Variants in PGGHG observed in about 807,000 individuals in gnomAD.
PGGHG encodes the protein ATH1, acid trehalase-like 1.
A neutral mutation model predicts 74.5 loss-of-function variants in PGGHG; 67 were observed. The observed-to-expected ratio is 0.90, with a 90% CI of 0.74 to 1.10. PGGHG has a LOEUF of 1.10. Ranked by LOEUF, PGGHG falls within the 50% of genes least tolerant of loss-of-function variation. PGGHG has a pLI of 0.00. For synonymous variants in PGGHG, 496 were observed against 419.9 expected, an observed-to-expected ratio of 1.18 and a Z score of -2.21; for missense variants, 1,034 against 981.5, an observed-to-expected ratio of 1.05 and a Z score of -0.72.
rs1428325715 is a variant in PGGHG at position 292,548 on chromosome 11, A to G, written c.1029A>G (p.Gly343=). Residue 343 remains glycine (G), a splice_region_variant and synonymous_variant, in exon 6 of 14, where the codon GGA becomes GGG. Coordinates refer to ENST00000409548, the MANE Select transcript of PGGHG (RefSeq NM_025092.5). Reference sequence around the variant, plus strand: ...TCTGCCCCCTCCCAACCCCTCAGGGAGCCAAGTTTGCCTGGGAGAGTGCAG... The same window carrying G: ...TCTGCCCCCTCCCAACCCCTCAGGGGGCCAAGTTTGCCTGGGAGAGTGCAG... ...LENAQNLGYQ[G]AKFAWESADS... 3 of 1,613,128 alleles carry G rather than the reference A, an allele frequency of 1.9e-6. No homozygotes were observed. The highest frequency in any genetic ancestry group is 2.5e-6 in the Non-Finnish European group (3 of 1,179,796).
Position 290,678 on chromosome 11 carries a change from G to A in PGGHG, c.471G>A (p.Arg157=). Residue 157 remains arginine (R), a splice_region_variant and synonymous_variant, in exon 4 of 14, where the codon CGG becomes CGA. Coordinates refer to ENST00000409548, the MANE Select transcript of PGGHG (RefSeq NM_025092.5). ...LHQGPDFQGA[R]YLYGHTLTPE... ...CTGAGGCATGGCCACGCTCTCACAG[G>A]TACCTGTATGGCCACACCCTCACCC... is the stretch of plus-strand genomic sequence containing the variant. 6 of 1,607,952 alleles carry A rather than the reference G, an allele frequency of 3.7e-6. No homozygotes were observed. Among genetic ancestry groups the A allele is most frequent in the Non-Finnish European group, 5.1e-6 (6 of 1,176,532 alleles).
chr11:290,319 C>T (rs1467726959), intron 2 of PGGHG, 71 bp from the exon 3 acceptor site: 5 of 1,455,472 alleles, frequency 3.4e-6, no homozygotes, highest in African/African-American at 1.4e-5. Flanking sequence ...AGGCAGCGGT[C>T]GGGTGGTCCA....
At position 289,970 on chromosome 11, in the gene PGGHG, G is replaced by T; in HGVS notation, c.154G>T (p.Asp52Tyr). Residue 52 changes from aspartate (D) to tyrosine (Y), a missense_variant, in exon 2 of 14, where the codon GAC becomes TAC. Coordinates refer to ENST00000409548, the MANE Select transcript of PGGHG (RefSeq NM_025092.5). This position sits in a 1 kb window ranked among gnomAD's most constrained non-coding sequence, Gnocchi z 5.6. Reference sequence around the variant, plus strand: ...CGGCGTGTACAATGGGGCTGGCGGGGACACGCACCGGGCCATGCTGCCCAG... The same window carrying T: ...CGGCGTGTACAATGGGGCTGGCGGGTACACGCACCGGGCCATGCTGCCCAG... The part of the protein sequence containing the change: ...VSGVYNGAGG[D>Y]THRAMLPSPL... The T allele has an allele frequency of 1.3e-6, 2 of 1,550,004 alleles. No individual in the cohort carries two copies. The highest frequency in any genetic ancestry group is 1.7e-4 in the Middle Eastern group (1 of 5,992).
Position 293,732 on chromosome 11 carries a change from GCA to G in PGGHG, c.1614+7_1614+8del. ...CAGGGCCCCGCCATGACCTGGGTGA[GCA>G]CCCTGGGGCTGTGGAGTTCCTACCC... On this transcript the variant is annotated splice_donor_region_variant and intron_variant, in intron 10 of 13. Coordinates refer to ENST00000409548, the MANE Select transcript of PGGHG (RefSeq NM_025092.5). The G allele has an allele frequency of 6.2e-7, 1 of 1,613,318 alleles. No homozygotes were observed. The highest frequency in any genetic ancestry group is 8.5e-7 in the Non-Finnish European group (1 of 1,179,960).
chr11:293,085 G>T (rs746379558), intron 7 of PGGHG, 78 bp from the exon 8 acceptor site: 2 of 1,613,820 alleles, frequency 1.2e-6, no homozygotes, highest in Non-Finnish European at 1.7e-6. Flanking sequence ...ACGTGTGCCA[G>T]CCCCACGCTG....
intron 9 of PGGHG, 42 bp from the exon 10 acceptor site, chr11:293,552 T>A (rs768742268): frequency 2.5e-6 from 4 of 1,612,442 alleles, no homozygotes; most frequent in Non-Finnish European, 3.4e-6. Flanking sequence ...GACCCTCGAG[T>A]CTGTCCTGGA....
rs745897874 is a variant in PGGHG at position 294,327 on chromosome 11, C to T, written c.1869C>T (p.Ser623=). Residue 623 remains serine (S), a synonymous_variant, in exon 13 of 14, where the codon AGC becomes AGT. Transcript: ENST00000409548. The stretch of plus-strand genomic sequence containing the variant: ...GTCTGTCGGGGATCTCCAGAGTGAG[C>T]GTCTCCGGCATCTTCTACCAGGGGA... ...PVCLSGISRV[S]VSGIFYQGNK... 1.9e-5 allele frequency: 31 copies of T among 1,612,690 alleles called. No homozygotes were observed. Among genetic ancestry groups the T allele is most frequent in the South Asian group, 1.1e-4 (10 of 90,966 alleles).
At position 291,010 on chromosome 11, in the gene PGGHG, C is replaced by T; in HGVS notation, c.803C>T (p.Pro268Leu). Residue 268 changes from proline (P) to leucine (L), a missense_variant, in exon 4 of 14, where the codon CCC becomes CTC. Coordinates refer to ENST00000409548, the MANE Select transcript of PGGHG (RefSeq NM_025092.5). The stretch of plus-strand genomic sequence containing the variant: ...CTCTACTACCTGCTCAGTGCCCTGC[C>T]CCAGCCCAAGGCCCCAGGATACATC... ...GSLYYLLSAL[P>L]QPKAPGYICH... 6.2e-7 allele frequency: 1 copy of T among 1,612,684 alleles called. No individual in the cohort carries two copies. The highest frequency in any genetic ancestry group is 2.2e-5 in the East Asian group (1 of 44,878).
rs776972826 is a variant in PGGHG at position 292,561 on chromosome 11, T to C, written c.1042T>C (p.Trp348Arg). 4 of 1,613,232 alleles carry C rather than the reference T, an allele frequency of 2.5e-6. No individual in the cohort carries two copies. In the African/African-American group the frequency reaches 5.3e-5, roughly 22 times the overall value. ...NLGYQGAKFA[W>R]ESADSGLEVC... ...AACCCCTCAGGGAGCCAAGTTTGCC[T>C]GGGAGAGTGCAGACTCCGGCCTAGA... is the stretch of plus-strand genomic sequence containing the variant. The change falls in exon 6 of 14, where the codon TGG (tryptophan) becomes CGG (arginine). Residue 348 changes from tryptophan (W) to arginine (R), a missense_variant. Coordinates refer to ENST00000409548, the MANE Select transcript of PGGHG (RefSeq NM_025092.5).
chr11:290,336 C>T, intron 2 of PGGHG, 54 bp from the exon 3 acceptor site: 2 of 1,506,202 alleles, frequency 1.3e-6, no homozygotes, highest in South Asian at 1.2e-5. Context: ...TCCACTCCTG[C>T]CCCAGAGAGG....
At chr11:294,533 C>T (rs769396243) in intron 13 of PGGHG, 23 bp from the exon 14 acceptor site, 2 of 1,574,934 alleles carry the variant, frequency 1.3e-6, no homozygotes, top group African/African-American at 1.3e-5. Flanking sequence ...CCCCTCACCC[C>T]CAGGCTGCCT....
chr11:289,362 C>G lies in PGGHG; in HGVS notation c.-14+123C>G, dbSNP rs1453179607. On this transcript the variant is annotated intron_variant, in intron 1 of 13. Transcript: ENST00000409548. The surrounding 1 kb of genome is among the most constrained non-coding windows in gnomAD (Gnocchi z 5.6). The stretch of plus-strand genomic sequence containing the variant: ...CCCAGCCGCCTACACCCCCGAGACC[C>G]CCACCCGCCCGGCGCCCCGGCAGCC... The G allele has an allele frequency of 7.2e-6, 1 of 138,478 alleles. No homozygotes were observed. Among genetic ancestry groups the G allele is most frequent in the African/African-American group, 2.8e-5 (1 of 35,950 alleles). The allele number at this position is 138,478 out of a possible 1,614,324, so 8.6% of individuals were successfully genotyped here.
At chr11:292,796 C>A in intron 6 of PGGHG, 90 bp from the exon 7 acceptor site, 1 of 1,607,528 alleles carries the variant, frequency 6.2e-7, no homozygotes, top group South Asian at 1.1e-5. Context: ...ACAGGTGTCT[C>A]AATGCCAGGC....
intron 5 of PGGHG, 92 bp from the exon 6 acceptor site, chr11:292,454 G>A: frequency 2.0e-6 from 3 of 1,514,186 alleles, no homozygotes; most frequent in Non-Finnish European, 2.7e-6. Flanking sequence ...CGCAGGCCGA[G>A]CCCCCCCTCC....
rs1478313415 is a variant in PGGHG at position 289,150 on chromosome 11, G to A, written c.-103G>A. ...CGCGGACCTTCCTGGTGGCGCGGCAGCCGGGCGGCTCCTCCTTCCTCCCGG... is the reference window on the plus strand; with the variant it reads ...CGCGGACCTTCCTGGTGGCGCGGCAACCGGGCGGCTCCTCCTTCCTCCCGG... On this transcript the variant is annotated 5_prime_UTR_variant, in exon 1 of 14. Coordinates refer to ENST00000409548, the MANE Select transcript of PGGHG (RefSeq NM_025092.5). This position sits in a 1 kb window ranked among gnomAD's most constrained non-coding sequence, Gnocchi z 5.6. 6 of 150,920 alleles carry A rather than the reference G, an allele frequency of 4.0e-5. No individual in the cohort carries two copies. The highest frequency in any genetic ancestry group is 7.4e-5 in the Non-Finnish European group (5 of 67,334). The allele number at this position is 150,920 out of a possible 1,614,324, so 9.3% of individuals were successfully genotyped here. A position where few individuals can be genotyped will look rare whatever the true frequency, so the allele number is the denominator to read the frequency against.
chr11:293,903 C>T lies in PGGHG; in HGVS notation c.1688C>T (p.Ala563Val), dbSNP rs935700659. 4.8e-5 allele frequency: 77 copies of T among 1,613,020 alleles called. No individual in the cohort carries two copies. The highest frequency in any genetic ancestry group is 6.5e-5 in the Non-Finnish European group (77 of 1,179,818). ...CGGGGCCTCCTGGACAGGAGCTTTG[C>T]CAACATGGCTGAACCCTTCAAGGTC... is the stretch of plus-strand genomic sequence containing the variant. The part of the protein sequence containing the change: ...RARGLLDRSF[A>V]NMAEPFKVWT... Residue 563 changes from alanine to valine, a missense_variant, in exon 11 of 14, where the codon GCC becomes GTC. Physicochemically the swap from Ala to Val is moderately conservative, Grantham distance 64. Coordinates refer to ENST00000409548, the MANE Select transcript of PGGHG (RefSeq NM_025092.5).
chr11:293,566 C>G, intron 9 of PGGHG, 28 bp from the exon 10 acceptor site: 1 of 1,613,258 alleles, frequency 6.2e-7, no homozygotes, highest in Non-Finnish European at 8.5e-7. Flanking sequence ...TCCTGGAACA[C>G]CTTCCAGTCA....
rs1165656425 is a variant in PGGHG, at chr11:294,788, C to T, written c.*39C>T. On this transcript the variant is annotated 3_prime_UTR_variant, in exon 14 of 14. Transcript: ENST00000409548. Reference sequence around the variant, plus strand: ...CTTCAGAGACGTCTCTTGGGCCTTCCCTCTGGCCACGTCTGCACCCACCCC... The same window carrying T: ...CTTCAGAGACGTCTCTTGGGCCTTCTCTCTGGCCACGTCTGCACCCACCCC... 4 of 1,549,142 alleles carry T rather than the reference C, an allele frequency of 2.6e-6. No individual in the cohort carries two copies. The highest frequency in any genetic ancestry group is 1.9e-5 in the Admixed American group (1 of 52,490).
In PGGHG at chr11:292,687, T is replaced by G; in HGVS notation, c.1158+10T>G. Reference sequence around the variant, plus strand: ...CTACCATACCACCCAGGTGAGGTGCTGCGTGCCCACCATTCCTGCAAGTGT... The same window carrying G: ...CTACCATACCACCCAGGTGAGGTGCGGCGTGCCCACCATTCCTGCAAGTGT... On this transcript the variant is annotated intron_variant, in intron 6 of 13. Coordinates refer to ENST00000409548, the MANE Select transcript of PGGHG (RefSeq NM_025092.5). 1 of 1,613,674 alleles carries G rather than the reference T, an allele frequency of 6.2e-7. No individual in the cohort carries two copies. The highest frequency in any genetic ancestry group is 8.5e-7 in the Non-Finnish European group (1 of 1,179,940).
Sources: allele counts gnomAD v4.1 joint callset, GRCh38; gene constraint gnomAD v4.1.1; non-coding constraint Gnocchi (gnomAD v3.1); transcripts MANE v1.5; gene names NCBI Gene and HGNC (gene_info 2026-07-23, HGNC 2026-07-21).